CBFA2T3: variants seen among roughly 807,000 people sequenced by gnomAD.
CBFA2T3 encodes CBFA2/RUNX1 partner transcriptional co-repressor 3.
A neutral mutation model predicts 58.6 loss-of-function variants in CBFA2T3; 31 were observed. The observed-to-expected ratio is 0.53, with a 90% CI of 0.40 to 0.71. CBFA2T3 has a LOEUF of 0.71. Among genes scored for constraint, CBFA2T3 ranks in the 30% least tolerant of loss-of-function variants. The probability of loss-of-function intolerance (pLI) is 0.00; values close to 1 mark genes in which losing one functional copy is unlikely to be tolerated. For missense variants in CBFA2T3, 1,076 were observed against 963.1 expected (o/e 1.12, Z -1.55); for synonymous variants, 531 against 421.9 (o/e 1.26, Z -3.17).
At chr16:88,881,630 G>T (rs1969086787) in intron 8 of CBFA2T3, 141 bp from the exon 9 acceptor site, 3 of 802,596 alleles carry the variant, frequency 3.7e-6, no homozygotes, top group East Asian at 5.5e-5. Context: ...GGTGAGGGAG[G>T]GCCCACCTCC....
chr16:88,962,734 A>T (rs758794890), intron 1 of CBFA2T3, among the ~76,000 whole-genome samples: 20 of 152,182 alleles, frequency 1.3e-4, no homozygotes, highest in Non-Finnish European at 2.5e-4. Flanking sequence ...AGCCACGAAC[A>T]TGGGTGTCTT....
At position 88,958,881 on chromosome 16, in the gene CBFA2T3, T is replaced by A. The variant is rs1313002413; in HGVS notation, c.151+17776A>T. Among the ~76,000 whole-genome samples, 1 of 152,162 alleles carries A rather than the reference T, an allele frequency of 6.6e-6. No individual in the cohort carries two copies. Among genetic ancestry groups the A allele is most frequent in the Non-Finnish European group, 1.5e-5 (1 of 68,008 alleles). On this transcript the variant is annotated intron_variant, in intron 1 of 11. Transcript: ENST00000268679. The surrounding 1 kb of genome is among the most constrained non-coding windows in gnomAD (Gnocchi z 4.0). ...GGGGTATGGTCAGAGTGGGACCCTG[T>A]ACCGCCTCTGCCGCCCTTTTCCCTT...
At chr16:88,886,796 C>G (rs1182969631) in intron 5 of CBFA2T3, 1 of 152,352 alleles carries the variant, frequency 6.6e-6, no homozygotes, top group Non-Finnish European at 1.5e-5. Context: ...AAGTGATCCT[C>G]CAGCCTTGGT....
chr16:88,875,124 G>A lies in CBFA2T3; in HGVS notation c.*1852C>T. 4.3e-6 allele frequency: 1 copy of A among 234,532 alleles called. No individual in the cohort carries two copies. The highest frequency in any genetic ancestry group is 6.1e-5 in the East Asian group (1 of 16,520). 14.5% of individuals were successfully genotyped at this position (234,532 alleles called of 1,614,324 possible). On this transcript the variant is annotated 3_prime_UTR_variant, in exon 12 of 12. Transcript: ENST00000268679. ...GGCCACGGGCCACGCCACACACACA[G>A]ATGCCAGGCCACGGGCCACGCCACG...
chr16:88,923,867 G>A (rs942573468), intron 1 of CBFA2T3, among the ~76,000 whole-genome samples: 6 of 152,200 alleles, frequency 3.9e-5, no homozygotes, highest in African/African-American at 1.4e-4. Context: ...GGTGGGGCCG[G>A]GGGAGGAGCC....
At chr16:88,960,634 G>A (rs1164712054) in intron 1 of CBFA2T3, among the ~76,000 whole-genome samples, 2 of 152,192 alleles carry the variant, frequency 1.3e-5, no homozygotes, top group African/African-American at 4.8e-5. Context: ...CCTGGAGCAG[G>A]GGCAGCCACT....
intron 1 of CBFA2T3, among the ~76,000 whole-genome samples, chr16:88,904,200 A>G (rs959811432): frequency 1.3e-5 from 2 of 152,096 alleles, no homozygotes; most frequent in African/African-American, 2.4e-5. Context: ...CGGGGACTTC[A>G]TGTGGTTCCC....
intron 5 of CBFA2T3, chr16:88,887,019 G>A (rs942638330): frequency 1.3e-4 from 20 of 152,274 alleles, no homozygotes; most frequent in African/African-American, 4.6e-4. Flanking sequence ...CAGAGCTGCC[G>A]CGGGAGGGCG....
At chr16:88,916,766 C>A (rs113589816) in intron 1 of CBFA2T3, among the ~76,000 whole-genome samples, 1 of 152,100 alleles carries the variant, frequency 6.6e-6, no homozygotes, top group African/African-American at 2.4e-5. Context: ...CTGGCACAGG[C>A]CCCTCCTTGC....
At chr16:88,922,415 T>A (rs547375530) in intron 1 of CBFA2T3, among the ~76,000 whole-genome samples, 1 of 152,354 alleles carries the variant, frequency 6.6e-6, no homozygotes, top group East Asian at 1.9e-4. Flanking sequence ...GCACTCACCA[T>A]GTCTGCCCCG....
Position 88,896,717 on chromosome 16 carries a change from C to T in CBFA2T3, c.379+1361G>A, listed in dbSNP as rs377083138. On this transcript the variant is annotated intron_variant, in intron 3 of 11. Transcript: ENST00000268679. ...GTTTCTCCAGAACACGAGGGACTGT[C>T]GTCAGGACTGTGGACCTTCCAGCAG... 4.6e-4 allele frequency among the ~76,000 whole-genome samples: 70 copies of T among 152,322 alleles called. No homozygotes were observed. The South Asian group carries it at 0.013, about 29-fold the overall frequency.
chr16:88,905,331 G>GA (rs562738346), intron 1 of CBFA2T3, among the ~76,000 whole-genome samples: 516 of 152,070 alleles, frequency 3.4e-3, no homozygotes, highest in African/African-American at 0.012. Flanking sequence ...GGCCATGCAC[G>GA]ACCCCCCACC....
intron 1 of CBFA2T3, among the ~76,000 whole-genome samples, chr16:88,929,192 A>G (rs1597741033): frequency 6.6e-6 from 1 of 152,192 alleles, no homozygotes; most frequent in African/African-American, 2.4e-5. Flanking sequence ...CTGTTTGTGG[A>G]ATCAAACAGG....
intron 8 of CBFA2T3, among the ~76,000 whole-genome samples, 187 bp downstream of exon 8, chr16:88,882,489 G>A (rs1969143837): frequency 6.7e-6 from 1 of 148,978 alleles, no homozygotes; most frequent in Admixed American, 6.7e-5. Flanking sequence ...GTGTGTGACT[G>A]CACGGGCGTG....
chr16:88,930,599 C>T (rs1971260664), intron 1 of CBFA2T3, among the ~76,000 whole-genome samples: 1 of 150,916 alleles, frequency 6.6e-6, no homozygotes, highest in Non-Finnish European at 1.5e-5. Flanking sequence ...CACACGTGGC[C>T]CCGTCACCTT....
chr16:88,920,969 C>T (rs1441564250), intron 1 of CBFA2T3, among the ~76,000 whole-genome samples: 3 of 152,256 alleles, frequency 2.0e-5, no homozygotes, highest in Non-Finnish European at 2.9e-5. Context: ...TGGAACAACA[C>T]ATCCTTTCTC....
At chr16:88,954,387 A>G (rs12933491) in intron 1 of CBFA2T3, among the ~76,000 whole-genome samples, 37,075 of 80,618 alleles carry the variant, frequency 0.46, 6,797 homozygotes, top group Middle Eastern at 0.62. Context: ...CCCACCCAAG[A>G]CTCCTGACCC....
intron 1 of CBFA2T3, among the ~76,000 whole-genome samples, chr16:88,932,822 A>AG (rs1971359351): frequency 5.3e-5 from 7 of 133,126 alleles, no homozygotes; most frequent in Admixed American, 2.3e-4. Flanking sequence ...AAAAAAAAAA[A>AG]GCCGGGTGCA....
chr16:88,960,952 T>C (rs982783255), intron 1 of CBFA2T3, among the ~76,000 whole-genome samples: 2 of 152,238 alleles, frequency 1.3e-5, no homozygotes, highest in Non-Finnish European at 2.9e-5. Context: ...TCCCAGGCAA[T>C]ATTTGAGATA....
Sources: gnomAD v4.1 joint callset for allele counts (sites outside exome capture counted in the v4.1 genomes callset) on GRCh38, gnomAD v4.1.1 for gene constraint, Gnocchi (gnomAD v3.1) non-coding constraint, MANE v1.5 for transcripts, NCBI Gene and HGNC (gene_info 2026-07-23, HGNC 2026-07-21) for gene names.